Variants in ZFHX2 observed in about 807,000 individuals in gnomAD.
ZFHX2 encodes zinc finger homeobox protein 2.
Under a neutral mutation model 164.8 loss-of-function variants are expected in ZFHX2, and 75 were observed. That is an observed-to-expected ratio of 0.46 (90% CI 0.38 to 0.55). The LOEUF is 0.55. ZFHX2 is among the 20% of genes least tolerant of loss of function. ZFHX2 has a pLI of 0.00. For missense variants in ZFHX2, 2,933 were observed against 3,308.0 expected (o/e 0.89, Z 2.78); for synonymous variants, 1,217 against 1,351.4 (o/e 0.90, Z 2.18).
upstream of ZFHX2, among the ~76,000 whole-genome samples, chr14:23,554,483 C>T (rs1006983287): frequency 6.6e-6 from 1 of 152,090 alleles, no homozygotes; most frequent in East Asian, 1.9e-4. Flanking sequence ...CTCAAGCTAT[C>T]CCGCTGCCTC....
intron 1 of ZFHX2, chr14:23,544,225 A>C (rs2138881949): frequency 6.6e-6 from 1 of 150,794 alleles, no homozygotes; most frequent in East Asian, 2.0e-4. Context: ...ACTGCACTCC[A>C]GCCTGGGTGA....
At chr14:23,541,475 C>G (rs1360485117) in intron 1 of ZFHX2, among the ~76,000 whole-genome samples, 6 of 151,952 alleles carry the variant, frequency 3.9e-5, no homozygotes, top group Admixed American at 1.3e-4. Flanking sequence ...TTAGTACAGA[C>G]AGAGCTTCTC....
In ZFHX2 at chr14:23,526,292, T is replaced by G; in HGVS notation, c.3650A>C (p.His1217Pro). The change falls in exon 9 of 10, where the codon CAC (histidine) becomes CCC (proline). Residue 1217 changes from histidine to proline, a missense_variant. Physicochemically the swap from His to Pro is moderately conservative, Grantham distance 77 (BLOSUM62 -2). Transcript: ENST00000419474. ...LVHYNSVSHL[H>P]KMKKAAIDPS... ...GTCAATGGCAGCCTTCTTCATCTTG[T>G]GAAGGTGGGAGACAGAATTATAATG... The G allele has an allele frequency of 6.5e-7, 1 of 1,536,146 alleles. No individual in the cohort carries two copies. The highest frequency in any genetic ancestry group is 8.7e-7 in the Non-Finnish European group (1 of 1,146,872).
chr14:23,533,406 T>C lies in ZFHX2; in HGVS notation c.1920A>G (p.Leu640=). 6.7e-7 allele frequency: 1 copy of C among 1,499,496 alleles called. No homozygotes were observed. The highest frequency in any genetic ancestry group is 8.9e-7 in the Non-Finnish European group (1 of 1,126,506). 92.9% of individuals were successfully genotyped at this position (1,499,496 alleles called of 1,614,324 possible). The change falls in exon 2 of 10, where the codon CTA becomes CTG. Residue 640 remains leucine, a synonymous_variant. Transcript: ENST00000419474. The surrounding 1 kb of genome is among the most constrained non-coding windows in gnomAD (Gnocchi z 4.8). ...ELFQYFGPQA[L]GQPQTPLAGP... ...CAGCCAAGGGAGTCTGAGGCTGCCC[T>C]AGGGCCTGGGGCCCAAAGTACTGGA...
intron 6 of ZFHX2, chr14:23,528,690 T>C (rs1879108389): frequency 1.0e-6 from 1 of 985,244 alleles, no homozygotes. Flanking sequence ...TTATTTTCCA[T>C]CTTTCTTTTT....
Position 23,523,461 on chromosome 14 carries a change from A to G in ZFHX2, c.6481T>C (p.Cys2161Arg). 6.5e-7 allele frequency: 1 copy of G among 1,536,122 alleles called. No individual in the cohort carries two copies. ...CDVKYDFYVS[C>R]RGHLFSRQHL... is the part of the protein sequence containing the mutation. Reference sequence around the variant, plus strand: ...TGACGGGAAAAGAGATGGCCTCGGCAGGAGACATAGAAATCATACTTGACA... The same window carrying G: ...TGACGGGAAAAGAGATGGCCTCGGCGGGAGACATAGAAATCATACTTGACA... Residue 2161 changes from cysteine (C) to arginine (R), a missense_variant, in exon 9 of 10, where the codon TGC becomes CGC. Physicochemically the swap from Cys to Arg is radical, Grantham distance 180. Transcript: ENST00000419474. This position sits in a 1 kb window ranked among gnomAD's most constrained non-coding sequence, Gnocchi z 4.1.
intron 5 of ZFHX2, 49 bp from the exon 6 acceptor site, chr14:23,529,817 T>C: frequency 1.3e-6 from 2 of 1,516,622 alleles, no homozygotes; most frequent in Non-Finnish European, 1.8e-6. Context: ...GCCCTCAAGA[T>C]GATTTGTAGC....
rs774367519 is a variant in ZFHX2 at position 23,522,349 on chromosome 14, G to A, written c.7332C>T (p.Thr2444=). ...ACAGGTAGCGATGGGTTACATCCAC[G>A]GTGGAGATGCCAGTGCTGCCTGTCA... ...ELLTGSTGIS[T]VDVTHRYLCR... Residue 2444 remains threonine, a synonymous_variant, in exon 10 of 10, where the codon ACC becomes ACT. Transcript: ENST00000419474. 1.9e-5 allele frequency: 29 copies of A among 1,535,554 alleles called. No homozygotes were observed. Among genetic ancestry groups the A allele is most frequent in the Middle Eastern group, 1.7e-4 (1 of 6,010 alleles).
In ZFHX2 at chr14:23,533,436, T is replaced by A; in HGVS notation, c.1890A>T (p.Glu630Asp). The A allele has an allele frequency of 6.5e-7, 1 of 1,529,622 alleles. No individual in the cohort carries two copies. The highest frequency in any genetic ancestry group is 8.7e-7 in the Non-Finnish European group (1 of 1,142,898). 94.8% of individuals were successfully genotyped at this position (1,529,622 alleles called of 1,614,324 possible). A position where few individuals can be genotyped will look rare whatever the true frequency, so the allele number is the denominator to read the frequency against. The change falls in exon 2 of 10, where the codon GAA becomes GAT. Residue 630 changes from glutamate to aspartate, a missense_variant. Glu to Asp is a conservative substitution (Grantham distance 45, BLOSUM62 2). Coordinates refer to ENST00000419474, the MANE Select transcript of ZFHX2 (RefSeq NM_033400.3). The surrounding 1 kb of genome is among the most constrained non-coding windows in gnomAD (Gnocchi z 4.8). ...CCTGGGGCCCAAAGTACTGGAAGAG[T>A]TCAGGGGGGCTAGTGGGGGTAGCCC... ...PPGATPTSPP[E>D]LFQYFGPQAL...
Position 23,532,673 on chromosome 14 carries a change from G to A in ZFHX2, c.2453C>T (p.Pro818Leu), listed in dbSNP as rs759963557. ...GDGAPYGSVS[P>L]LHLRCNICDF... ...ACAGATGTTGCAGCGCAGGTGTAGT[G>A]GGGAGACAGACCCATAAGGAGCCCC... The change falls in exon 3 of 10, where the codon CCA (proline) becomes CTA (leucine). Residue 818 changes from proline (P) to leucine (L), a missense_variant. Coordinates refer to ENST00000419474, the MANE Select transcript of ZFHX2 (RefSeq NM_033400.3). 2.0e-6 allele frequency: 3 copies of A among 1,517,750 alleles called. No homozygotes were observed. The highest frequency in any genetic ancestry group is 1.8e-6 in the Non-Finnish European group (2 of 1,136,706). 94.0% of individuals were successfully genotyped at this position (1,517,750 alleles called of 1,614,324 possible).
At chr14:23,542,745 CTT>C (rs879315318) in intron 1 of ZFHX2, among the ~76,000 whole-genome samples, 1 of 145,850 alleles carries the variant, frequency 6.9e-6, no homozygotes, top group African/African-American at 2.5e-5. Flanking sequence ...GGAAAACATT[CTT>C]TTTTTTTTTT....
Position 23,533,416 on chromosome 14 carries a change from G to C in ZFHX2, c.1910C>G (p.Pro637Arg). Residue 637 changes from proline to arginine, a missense_variant, in exon 2 of 10, where the codon CCC becomes CGC. Physicochemically the swap from Pro to Arg is moderately radical, Grantham distance 103. Transcript: ENST00000419474. The surrounding 1 kb of genome is among the most constrained non-coding windows in gnomAD (Gnocchi z 4.8). ...AGTCTGAGGCTGCCCTAGGGCCTGG[G>C]GCCCAAAGTACTGGAAGAGTTCAGG... ...SPPELFQYFG[P>R]QALGQPQTPL... is the part of the protein sequence containing the mutation. 6.6e-7 allele frequency: 1 copy of C among 1,509,640 alleles called. No homozygotes were observed. Among genetic ancestry groups the C allele is most frequent in the Non-Finnish European group, 8.8e-7 (1 of 1,131,008 alleles). The allele number at this position is 1,509,640 out of a possible 1,614,324, so 93.5% of individuals were successfully genotyped here.
intron 4 of ZFHX2, chr14:23,530,629 C>T (rs1879420127): frequency 8.5e-6 from 3 of 352,414 alleles, no homozygotes; most frequent in South Asian, 6.8e-5. Flanking sequence ...GAGATTACCG[C>T]TCAAGTAAGA....
chr14:23,541,542 C>T (rs1408982701), intron 1 of ZFHX2, among the ~76,000 whole-genome samples: 3 of 152,176 alleles, frequency 2.0e-5, no homozygotes, highest in Non-Finnish European at 4.4e-5. Flanking sequence ...CCACCTCGCC[C>T]TCCCAAAGTG....
Position 23,522,252 on chromosome 14 carries a change from C to T in ZFHX2, c.7429G>A (p.Gly2477Arg). 3.4e-6 allele frequency: 5 copies of T among 1,481,732 alleles called. No homozygotes were observed. Among genetic ancestry groups the T allele is most frequent in the Non-Finnish European group, 4.5e-6 (5 of 1,118,002 alleles). 91.8% of individuals were successfully genotyped at this position (1,481,732 alleles called of 1,614,324 possible). Residue 2477 changes from glycine to arginine, a missense_variant, in exon 10 of 10, where the codon GGG (glycine) becomes AGG (arginine). Physicochemically the swap from Gly to Arg is moderately radical, Grantham distance 125. Transcript: ENST00000419474. Reference sequence around the variant, plus strand: ...GGCATGGAGCCCCCAGAGCCCCGCCCAAAGAAGCAGAAGGATCTCTGGTGG... The same window carrying T: ...GGCATGGAGCCCCCAGAGCCCCGCCTAAAGAAGCAGAAGGATCTCTGGTGG... Reference protein sequence around the residue: ...TAHQRSFCFFGRGSGGSMPPP... With the variant: ...TAHQRSFCFFRRGSGGSMPPP...
At chr14:23,537,509 G>A (rs1044882950) in intron 1 of ZFHX2, among the ~76,000 whole-genome samples, 14 of 152,122 alleles carry the variant, frequency 9.2e-5, no homozygotes, top group Admixed American at 9.2e-4. Context: ...CAACCTGAAG[G>A]CCCCATTGTA....
At chr14:23,543,967 A>C (rs889484599) in intron 1 of ZFHX2, 1 of 152,104 alleles carries the variant, frequency 6.6e-6, no homozygotes, top group African/African-American at 2.4e-5. Context: ...CTTCATATAG[A>C]GAATGGGGCA....
At position 23,523,163 on chromosome 14, in the gene ZFHX2, T is replaced by C. The variant is rs766627707; in HGVS notation, c.6739+40A>G. 6.6e-5 allele frequency: 93 copies of C among 1,408,774 alleles called. No individual in the cohort carries two copies. Among genetic ancestry groups the C allele is most frequent in the Non-Finnish European group, 8.2e-5 (89 of 1,087,236 alleles). The allele number at this position is 1,408,774 out of a possible 1,614,324, so 87.3% of individuals were successfully genotyped here. ...GGAAGGGCATGTCATTAGAGGGGGA[T>C]GTTCTCTGAAGTCCAGCTCCTCCCA... is the stretch of plus-strand genomic sequence containing the variant. On this transcript the variant is annotated intron_variant, in intron 9 of 9. Transcript: ENST00000419474. This position sits in a 1 kb window ranked among gnomAD's most constrained non-coding sequence, Gnocchi z 4.1.
rs531299410 is a variant in ZFHX2 at position 23,532,789 on chromosome 14, A to G, written c.2337T>C (p.Thr779=). The part of the protein sequence containing the change: ...LKANFQLHLK[T]DKHAQKYQLA... ...GCTGGTACTTCTGAGCATGTTTGTC[A>G]GTCTTGAGGTGGAGTTGGAAGTTGG... is the stretch of plus-strand genomic sequence containing the variant. The change falls in exon 3 of 10, where the codon ACT becomes ACC. Residue 779 remains threonine, a synonymous_variant. Coordinates refer to ENST00000419474, the MANE Select transcript of ZFHX2 (RefSeq NM_033400.3). The G allele has an allele frequency of 2.0e-6, 3 of 1,536,406 alleles. No homozygotes were observed. Among genetic ancestry groups the G allele is most frequent in the South Asian group, 2.4e-5 (2 of 84,060 alleles).
Sources: allele counts gnomAD v4.1 joint callset (sites outside exome capture counted in the v4.1 genomes callset), GRCh38; gene constraint gnomAD v4.1.1; non-coding constraint Gnocchi (gnomAD v3.1); transcripts MANE v1.5; gene names NCBI Gene and HGNC (gene_info 2026-07-23, HGNC 2026-07-21).